The following DSCAM variants were observed in gnomAD, a reference collection of about 807,000 sequenced individuals.
DSCAM encodes DS cell adhesion molecule.
DSCAM carries 47 observed loss-of-function variants against 217.7 expected under a neutral mutation model. The ratio of observed to expected loss-of-function variants is 0.22; its 90% CI spans 0.17 to 0.28. The LOEUF is 0.28. Among genes scored for constraint, DSCAM ranks in the 10% least tolerant of loss-of-function variants. DSCAM has a pLI of 1.00. For synonymous variants in DSCAM, 1,056 were observed against 1,015.3 expected (o/e 1.04, Z -0.76); for missense variants, 2,080 against 2,618.3 (o/e 0.79, Z 4.49).
rs1426874681 is a variant in DSCAM, at chr21:40,846,781, C to T, written c.-120G>A. 4.3e-6 allele frequency: 1 copy of T among 234,204 alleles called. No individual in the cohort carries two copies. The highest frequency in any genetic ancestry group is 6.8e-6 in the Non-Finnish European group (1 of 146,362). 14.5% of individuals were successfully genotyped at this position (234,204 alleles called of 1,614,324 possible). ...CGGGGGCCGCCGCCCGCCCGCCGCC[C>T]GCCGCCGCCGCCGCCGCTGCCTAGC... On this transcript the variant is annotated 5_prime_UTR_variant, in exon 1 of 33. Coordinates refer to ENST00000400454, the MANE Select transcript of DSCAM (RefSeq NM_001389.5).
chr21:40,239,918 A>C (rs539964561), intron 11 of DSCAM, among the ~76,000 whole-genome samples: 1 of 152,288 alleles, frequency 6.6e-6, no homozygotes, highest in African/African-American at 2.4e-5. Context: ...GGGCCTCTCC[A>C]GGCGAGCATC....
At chr21:40,489,911 G>A (rs2837660) in intron 3 of DSCAM, among the ~76,000 whole-genome samples, 2 of 151,754 alleles carry the variant, frequency 1.3e-5, no homozygotes, top group African/African-American at 2.4e-5. Flanking sequence ...AGGATACAAC[G>A]TAAGATTTTG....
chr21:40,057,327 A>G (rs2086770718), intron 28 of DSCAM, among the ~76,000 whole-genome samples: 1 of 152,216 alleles, frequency 6.6e-6, no homozygotes. Flanking sequence ...AAAAAATTCA[A>G]ATAATCAAAT....
intron 3 of DSCAM, among the ~76,000 whole-genome samples, chr21:40,523,641 C>T (rs1471869262): frequency 6.6e-6 from 1 of 152,184 alleles, no homozygotes; most frequent in African/African-American, 2.4e-5. Context: ...CACTCATTCT[C>T]CAAGCCCAGG....
intron 11 of DSCAM, among the ~76,000 whole-genome samples, chr21:40,268,294 C>A (rs2073567612): frequency 6.6e-6 from 1 of 152,176 alleles, no homozygotes; most frequent in Non-Finnish European, 1.5e-5. Flanking sequence ...GTGAACCCTG[C>A]TGATGGGCAA....
Position 40,822,004 on chromosome 21 carries a change from G to A in DSCAM, c.43+24615C>T, listed in dbSNP as rs1041424130. Among the ~76,000 whole-genome samples the A allele has an allele frequency of 7.4e-5, 11 of 148,200 alleles. No individual in the cohort carries two copies. The South Asian group carries it at 1.1e-3, about 14-fold the overall frequency. On this transcript the variant is annotated intron_variant, in intron 1 of 32. Transcript: ENST00000400454. Reference sequence around the variant, plus strand: ...GTAACAAATCTGCGCATGTATCCCCGAACTTAAAATAAAAGTTAAAAAAAA... The same window carrying A: ...GTAACAAATCTGCGCATGTATCCCCAAACTTAAAATAAAAGTTAAAAAAAA...
At chr21:40,626,797 G>T (rs1377222889) in intron 3 of DSCAM, among the ~76,000 whole-genome samples, 1 of 152,298 alleles carries the variant, frequency 6.6e-6, no homozygotes, top group Middle Eastern at 3.4e-3. Context: ...TCACATAGTG[G>T]ATGGTAAGTA....
At chr21:40,793,874 T>C (rs984026572) in intron 1 of DSCAM, among the ~76,000 whole-genome samples, 15 of 152,122 alleles carry the variant, frequency 9.9e-5, no homozygotes, top group African/African-American at 1.9e-4. Context: ...TCATGTGAAA[T>C]ATAAGAAGCA....
chr21:40,462,581 G>T (rs1315941858), intron 3 of DSCAM, among the ~76,000 whole-genome samples: 1 of 152,152 alleles, frequency 6.6e-6, no homozygotes, highest in East Asian at 1.9e-4. Flanking sequence ...AGGGGAGGTG[G>T]CAATAAAGAT....
At chr21:40,300,410 C>T (rs568476709) in intron 9 of DSCAM, among the ~76,000 whole-genome samples, 1 of 152,330 alleles carries the variant, frequency 6.6e-6, no homozygotes, top group Non-Finnish European at 1.5e-5. Flanking sequence ...TGCCACACCC[C>T]AGTCACAGTG....
chr21:40,612,280 G>T (rs6517601), intron 3 of DSCAM, among the ~76,000 whole-genome samples: 26 of 152,036 alleles, frequency 1.7e-4, no homozygotes, highest in Middle Eastern at 3.4e-3. Context: ...TTGACCAAGA[G>T]AATCTGGTGG....
intron 3 of DSCAM, among the ~76,000 whole-genome samples, chr21:40,371,185 C>T (rs1188963629): frequency 6.6e-6 from 1 of 152,056 alleles, no homozygotes; most frequent in Non-Finnish European, 1.5e-5. Flanking sequence ...ATTAGAGAAG[C>T]TGAAAAATCT....
intron 3 of DSCAM, among the ~76,000 whole-genome samples, chr21:40,623,072 T>G (rs1354958308): frequency 6.6e-6 from 1 of 152,140 alleles, no homozygotes; most frequent in African/African-American, 2.4e-5. Context: ...ATTAAATAAT[T>G]AATTGAAGTA....
At chr21:40,758,211 T>TA (rs1374713280) in intron 1 of DSCAM, among the ~76,000 whole-genome samples, 1 of 152,124 alleles carries the variant, frequency 6.6e-6, no homozygotes, top group African/African-American at 2.4e-5. Context: ...ACCTTGACTT[T>TA]AGACTTCTGG....
Position 40,708,447 on chromosome 21 carries a change from T to C in DSCAM, c.361+7A>G, listed in dbSNP as rs2090741008. 3.3e-6 allele frequency: 5 copies of C among 1,492,690 alleles called. No homozygotes were observed. The highest frequency in any genetic ancestry group is 1.5e-5 in the South Asian group (1 of 67,568). The allele number at this position is 1,492,690 out of a possible 1,614,324, so 92.5% of individuals were successfully genotyped here. ...ACAGAAAAAACAAAGCCCAGAGCTG[T>C]ACTCACCAGCCTTGATGTGGACATC... On this transcript the variant is annotated splice_region_variant and intron_variant, in intron 2 of 32. Transcript: ENST00000400454.
At chr21:40,650,798 C>T (rs140855893) in intron 3 of DSCAM, among the ~76,000 whole-genome samples, 9,029 of 152,248 alleles carry the variant, frequency 0.059, 634 homozygotes, top group East Asian at 0.18. Context: ...CCTTTAGTCC[C>T]AGCTACTCAG....
chr21:40,591,473 T>C (rs949551672), intron 3 of DSCAM, among the ~76,000 whole-genome samples: 2 of 152,112 alleles, frequency 1.3e-5, no homozygotes, highest in African/African-American at 4.8e-5. Flanking sequence ...TCGATATAAG[T>C]AAAGAGGAAA....
chr21:40,261,190 T>G (rs1366233270), intron 11 of DSCAM, among the ~76,000 whole-genome samples: 1 of 152,238 alleles, frequency 6.6e-6, no homozygotes, highest in African/African-American at 2.4e-5. Context: ...CAAGATTTAT[T>G]AAATATCTGC....
chr21:40,235,000 T>C (rs1013810412), intron 11 of DSCAM, among the ~76,000 whole-genome samples: 1 of 152,184 alleles, frequency 6.6e-6, no homozygotes, highest in Non-Finnish European at 1.5e-5. Flanking sequence ...CTATCAGCTC[T>C]TCCTCGTTTG....
Sources: allele counts gnomAD v4.1 joint callset (sites outside exome capture counted in the v4.1 genomes callset), GRCh38; gene constraint gnomAD v4.1.1; transcripts MANE v1.5; gene names NCBI Gene and HGNC (gene_info 2026-07-23, HGNC 2026-07-21).